The following RPH3AL variants were observed in gnomAD, a reference collection of about 807,000 sequenced individuals.
RPH3AL encodes the protein rab effector Noc2.
In RPH3AL, 38 loss-of-function variants were observed where a neutral mutation model predicts 43.1. The observed-to-expected ratio is 0.88, with a 90% CI of 0.68 to 1.15. The LOEUF is 1.15. Ranked by LOEUF, RPH3AL falls within the 50% of genes most tolerant of loss-of-function variation. The pLI is 0.00. For missense variants in RPH3AL, 462 were observed against 423.2 expected, an observed-to-expected ratio of 1.09 and a Z score of -0.81; for synonymous variants, 189 against 176.3, an observed-to-expected ratio of 1.07 and a Z score of -0.57.
Position 302,566 on chromosome 17 carries a change from CA to C in RPH3AL, c.351+16853del, listed in dbSNP as rs374584980. On this transcript the variant is annotated intron_variant, in intron 5 of 9. Transcript: ENST00000331302. ...GTGTCCCCAGGAGAGATTCGGACCC[CA>C]GGACGAGGCTAAGCTCAACGGGAAA... Among the ~76,000 whole-genome samples the C allele has an allele frequency of 9.4e-3, 1,432 of 152,262 alleles. 27 individuals carry two copies. The highest frequency in any genetic ancestry group is 0.032 in the African/African-American group (1,319 of 41,528).
chr17:330,669 A>C (rs1209864053), intron 2 of RPH3AL, among the ~76,000 whole-genome samples: 1 of 152,130 alleles, frequency 6.6e-6, no homozygotes, highest in Non-Finnish European at 1.5e-5. Context: ...TGAGCTCAGG[A>C]GTTTGAGACC....
intron 6 of RPH3AL, among the ~76,000 whole-genome samples, chr17:257,918 T>A (rs1284673873): frequency 8.8e-6 from 1 of 113,444 alleles, no homozygotes; most frequent in African/African-American, 3.5e-5. Flanking sequence ...ACGTACTTCC[T>A]ATGAGGGGAG....
intron 6 of RPH3AL, among the ~76,000 whole-genome samples, chr17:260,062 G>T (rs782609792): frequency 1.3e-5 from 2 of 152,052 alleles, no homozygotes; most frequent in Non-Finnish European, 2.9e-5. Flanking sequence ...TCCCTCTCCC[G>T]TGCCACCCTG....
At chr17:269,085 A>G (rs887657495) in intron 6 of RPH3AL, among the ~76,000 whole-genome samples, 18 of 152,090 alleles carry the variant, frequency 1.2e-4, no homozygotes, top group Non-Finnish European at 2.4e-4. Context: ...TCACCGTGTT[A>G]GCCAGGATGG....
At chr17:213,996 C>T (rs1402581834) in intron 9 of RPH3AL, 73 bp from the exon 10 acceptor site, 1 of 1,185,936 alleles carries the variant, frequency 8.4e-7, no homozygotes, top group East Asian at 2.4e-5. Flanking sequence ...ACAGCTCGGC[C>T]TTTGGGAATG....
chr17:315,167 C>CTA (rs1555519531), intron 5 of RPH3AL, among the ~76,000 whole-genome samples: 3 of 149,444 alleles, frequency 2.0e-5, no homozygotes, highest in Non-Finnish European at 4.5e-5. Flanking sequence ...CCCTGTGCCC[C>CTA]CACCTCCATT....
chr17:247,588 CG>C, intron 6 of RPH3AL: 1 of 344,316 alleles, frequency 2.9e-6, no homozygotes, highest in Non-Finnish European at 5.3e-6. Context: ...TGGGCTCACG[CG>C]GTCCTCCTGC....
At chr17:248,758 G>A (rs1224111174) in intron 6 of RPH3AL, among the ~76,000 whole-genome samples, 1 of 152,246 alleles carries the variant, frequency 6.6e-6, no homozygotes, top group African/African-American at 2.4e-5. Flanking sequence ...GTGGCTTTGA[G>A]TGAGTTACTT....
chr17:339,438 C>T lies in RPH3AL; in HGVS notation c.-212-5504G>A, dbSNP rs143176721. On this transcript the variant is annotated intron_variant, in intron 1 of 9. Coordinates refer to ENST00000331302, the MANE Select transcript of RPH3AL (RefSeq NM_006987.4). ...GCCCCCAAGTTAACAAACATCCCTA[C>T]ACGTGCCCAGCCTGACCCTGCACTA... is the stretch of plus-strand genomic sequence containing the variant. The T allele has an allele frequency of 9.2e-5, 14 of 152,464 alleles. No individual in the cohort carries two copies. In the East Asian group the frequency reaches 2.5e-3, roughly 27 times the overall value. 9.4% of individuals were successfully genotyped at this position (152,464 alleles called of 1,614,324 possible). A position where few individuals can be genotyped will look rare whatever the true frequency, so the allele number is the denominator to read the frequency against.
rs1004396609 is a variant in RPH3AL, at chr17:322,059, T to A, written c.78-644A>T. 3.3e-5 allele frequency among the ~76,000 whole-genome samples: 5 copies of A among 152,010 alleles called. No individual in the cohort carries two copies. Among genetic ancestry groups the A allele is most frequent in the Admixed American group, 3.3e-4 (5 of 15,260 alleles). On this transcript the variant is annotated intron_variant, in intron 3 of 9. Coordinates refer to ENST00000331302, the MANE Select transcript of RPH3AL (RefSeq NM_006987.4). This position sits in a 1 kb window ranked among gnomAD's most constrained non-coding sequence, Gnocchi z 4.0. The stretch of plus-strand genomic sequence containing the variant: ...GCGTTGATATGAACACTTTGAAAAC[T>A]AGCAGGTTCGAGGCGGGGGGGAAGC...
At position 264,063 on chromosome 17, in the gene RPH3AL, C is replaced by T. The variant is rs1227358492; in HGVS notation, c.439-16778G>A. Among the ~76,000 whole-genome samples, 1 of 152,218 alleles carries T rather than the reference C, an allele frequency of 6.6e-6. No homozygotes were observed. The highest frequency in any genetic ancestry group is 1.9e-4 in the East Asian group (1 of 5,204). ...GGGATCTCTGATCAGATTTCAAAGC[C>T]ACGATTTTGGCCGCGTGCGACAAGC... On this transcript the variant is annotated intron_variant, in intron 6 of 9. Transcript: ENST00000331302. This position sits in a 1 kb window ranked among gnomAD's most constrained non-coding sequence, Gnocchi z 4.8.
chr17:243,001 A>C (rs1597914757), intron 7 of RPH3AL, among the ~76,000 whole-genome samples: 1 of 119,966 alleles, frequency 8.3e-6, no homozygotes, highest in Non-Finnish European at 1.7e-5. Flanking sequence ...TCCTCTATTG[A>C]ATACCTTCCT....
intron 5 of RPH3AL, among the ~76,000 whole-genome samples, chr17:288,809 ACCCTCT>A (rs2042978806): frequency 7.0e-5 from 1 of 14,240 alleles, no homozygotes; most frequent in Non-Finnish European, 1.7e-4. Flanking sequence ...CAGACCTCGC[ACCCTCT>A]CTCCACCGTC....
intron 1 of RPH3AL, among the ~76,000 whole-genome samples, chr17:349,705 T>C (rs1392138201): frequency 6.6e-6 from 1 of 152,156 alleles, no homozygotes; most frequent in Non-Finnish European, 1.5e-5. Context: ...AACTAATTAA[T>C]TCAATTTAAT....
At chr17:217,096 AC>A (rs2040823959) in intron 8 of RPH3AL, among the ~76,000 whole-genome samples, 2 of 117,198 alleles carry the variant, frequency 1.7e-5, no homozygotes, top group African/African-American at 7.2e-5. Context: ...CTTCTTCTGC[AC>A]TAAAATTGGC....
chr17:223,376 G>C (rs1184131116), intron 7 of RPH3AL, among the ~76,000 whole-genome samples: 1 of 152,138 alleles, frequency 6.6e-6, no homozygotes, highest in East Asian at 1.9e-4. Context: ...CTCAGCAGAT[G>C]GGACAGGAGT....
chr17:298,948 A>G (rs1296173741), intron 5 of RPH3AL, among the ~76,000 whole-genome samples: 1 of 151,846 alleles, frequency 6.6e-6, no homozygotes, highest in African/African-American at 2.4e-5. Context: ...TGGGGATTTC[A>G]CTCACGCTGC....
chr17:213,654 G>A lies in RPH3AL; in HGVS notation c.*198C>T. On this transcript the variant is annotated 3_prime_UTR_variant, in exon 10 of 10. Transcript: ENST00000331302. Reference sequence around the variant, plus strand: ...GCTGAGGGCAGTGGTTGGAGGGGGTGGCGGATGCAGACAGCTCCCCAGGAG... The same window carrying A: ...GCTGAGGGCAGTGGTTGGAGGGGGTAGCGGATGCAGACAGCTCCCCAGGAG... 1 of 608,048 alleles carries A rather than the reference G, an allele frequency of 1.6e-6. No homozygotes were observed. Among genetic ancestry groups the A allele is most frequent in the Non-Finnish European group, 3.0e-6 (1 of 338,428 alleles). The allele number at this position is 608,048 out of a possible 1,614,324, so 37.7% of individuals were successfully genotyped here.
rs1292859367 is a variant in RPH3AL at position 305,105 on chromosome 17, C to CGG, written c.351+14314_351+14315insCC. On this transcript the variant is annotated intron_variant, in intron 5 of 9. Coordinates refer to ENST00000331302, the MANE Select transcript of RPH3AL (RefSeq NM_006987.4). ...GGGACAGGGCGGGAGGGGGACAGGGCGAGAGGGGACAGGGCGAGAGGGGGA... is the reference window on the plus strand; with the variant it reads ...GGGACAGGGCGGGAGGGGGACAGGGCGGGAGAGGGGACAGGGCGAGAGGGGGA... 6.3e-4 allele frequency among the ~76,000 whole-genome samples: 3 copies of CGG among 4,738 alleles called. 1 individual carries two copies. The highest frequency in any genetic ancestry group is 1.2e-3 in the African/African-American group (3 of 2,456). 3.1% of individuals were successfully genotyped at this position (4,738 alleles called of 152,430 possible).
Sources: gnomAD v4.1 joint callset for allele counts (sites outside exome capture counted in the v4.1 genomes callset) on GRCh38, gnomAD v4.1.1 for gene constraint, Gnocchi (gnomAD v3.1) non-coding constraint, MANE v1.5 for transcripts, NCBI Gene and HGNC (gene_info 2026-07-23, HGNC 2026-07-21) for gene names.